Variants in TLCD4 observed in about 807,000 individuals in gnomAD.
TLCD4 encodes the protein TLC domain-containing protein 4.
A neutral mutation model predicts 24.2 loss-of-function variants in TLCD4; 7 were observed. The ratio of observed to expected loss-of-function variants is 0.29; its 90% CI spans 0.16 to 0.54. The LOEUF (loss-of-function observed/expected upper bound fraction) is 0.54. Ranked by LOEUF, TLCD4 falls within the 20% of genes least tolerant of loss-of-function variation. The pLI is 0.95. For missense variants in TLCD4, 259 were observed against 313.9 expected (o/e 0.82, Z 1.32); for synonymous variants, 103 against 106.4 (o/e 0.97, Z 0.20).
At chr1:95,146,962 A>C (rs1677367015) in intron 2 of TLCD4, among the ~76,000 whole-genome samples, 1 of 152,170 alleles carries the variant, frequency 6.6e-6, no homozygotes. Flanking sequence ...ACAGTAAAAC[A>C]AGTTTGTAAG....
chr1:95,143,935 A>G lies in TLCD4; in HGVS notation c.34A>G (p.Thr12Ala), dbSNP rs754917924. 1 of 1,550,594 alleles carries G rather than the reference A, an allele frequency of 6.4e-7. No homozygotes were observed. Among genetic ancestry groups the G allele is most frequent in the Non-Finnish European group, 8.7e-7 (1 of 1,151,194 alleles). Residue 12 changes from threonine to alanine, a missense_variant, in exon 2 of 7, where the codon ACC becomes GCC. Transcript: ENST00000370203. The stretch of plus-strand genomic sequence containing the variant: ...CAACACAAAACTGCTCATCAGTGTT[A>G]CCTGTATCAGCTTTTTCACCTTTCA... ...EINTKLLISVTCISFFTFQLL... is the reference protein window; with the variant it reads ...EINTKLLISVACISFFTFQLL...
intron 1 of TLCD4, among the ~76,000 whole-genome samples, chr1:95,137,088 A>C (rs1677063499): frequency 6.6e-6 from 1 of 152,206 alleles, no homozygotes; most frequent in East Asian, 1.9e-4. Context: ...TATAGTATGC[A>C]GAGAAGAGGT....
Position 95,130,759 on chromosome 1 carries a change from G to A in TLCD4, c.-11-13132G>A, listed in dbSNP as rs547311144. Among the ~76,000 whole-genome samples the A allele has an allele frequency of 1.5e-4, 23 of 152,300 alleles. No homozygotes were observed. The South Asian group carries it at 4.6e-3, about 30-fold the overall frequency. On this transcript the variant is annotated intron_variant, in intron 1 of 6. Coordinates refer to ENST00000370203, the MANE Select transcript of TLCD4 (RefSeq NM_152487.3). ...AAGTCAATAAATCAGTACTTCTGCA[G>A]TTGATAAGAATGTTAAAGTACAATT... is the stretch of plus-strand genomic sequence containing the variant.
At chr1:95,150,364 A>G (rs1677461720) in intron 4 of TLCD4, 98 bp downstream of exon 4, 2 of 1,464,918 alleles carry the variant, frequency 1.4e-6, no homozygotes, top group South Asian at 2.8e-5. Context: ...TTTGAGAGAT[A>G]GCATTTAGGA....
intron 5 of TLCD4, among the ~76,000 whole-genome samples, chr1:95,168,419 C>A (rs1229175816): frequency 1.3e-5 from 2 of 152,070 alleles, no homozygotes; most frequent in African/African-American, 2.4e-5. Flanking sequence ...CTAAATGTAT[C>A]AGTGTTTGGA....
At chr1:95,176,013 C>T (rs1012711464) in intron 6 of TLCD4, among the ~76,000 whole-genome samples, 15 of 151,374 alleles carry the variant, frequency 9.9e-5, no homozygotes, top group African/African-American at 2.4e-4. Context: ...TGGGCTCAAG[C>T]GATCCTCCCA....
At chr1:95,111,421 A>G in the TLCD4 span, among the ~76,000 whole-genome samples, 1 of 152,212 alleles carries the variant, frequency 6.6e-6, no homozygotes, top group African/African-American at 2.4e-5. Flanking sequence ...TTTCAAAATG[A>G]AAAAATAAGC....
At position 95,166,972 on chromosome 1, in the gene TLCD4, C is replaced by T. The variant is rs140502251; in HGVS notation, c.400-6844C>T. 3.8e-4 allele frequency among the ~76,000 whole-genome samples: 58 copies of T among 152,008 alleles called. No individual in the cohort carries two copies. The East Asian group carries it at 4.1e-3, about 11-fold the overall frequency. On this transcript the variant is annotated intron_variant, in intron 5 of 6. Coordinates refer to ENST00000370203, the MANE Select transcript of TLCD4 (RefSeq NM_152487.3). ...CTGGCCCAGAATTCCTGATCTCAAG[C>T]GATCCTCCTGCCTCAACCTCCTAAA...
chr1:95,174,746 A>T (rs1296151700), intron 6 of TLCD4, among the ~76,000 whole-genome samples: 1 of 152,096 alleles, frequency 6.6e-6, no homozygotes, highest in African/African-American at 2.4e-5. Flanking sequence ...AACTAAACTA[A>T]CAATTTGTAA....
Position 95,197,052 on chromosome 1 carries a change from T to A in TLCD4, c.*5184T>A, listed in dbSNP as rs756699718. ...ATAGAACTATAGTGATATATATAGA[T>A]ACATAGATATATACTTTTTTCTGAG... On this transcript the variant is annotated 3_prime_UTR_variant, in exon 7 of 7. Coordinates refer to ENST00000370203, the MANE Select transcript of TLCD4 (RefSeq NM_152487.3). 1 of 152,156 alleles carries A rather than the reference T, an allele frequency of 6.6e-6. No homozygotes were observed. The highest frequency in any genetic ancestry group is 1.5e-5 in the Non-Finnish European group (1 of 68,002). 9.4% of individuals were successfully genotyped at this position (152,156 alleles called of 1,614,324 possible).
upstream of TLCD4, among the ~76,000 whole-genome samples, chr1:95,113,209 CT>C (rs139336479): frequency 0.1 from 15,933 of 151,930 alleles, 1,338 homozygotes; most frequent in East Asian, 0.4. Flanking sequence ...AGCCCAGCTA[CT>C]TTTCGTATTT....
rs964801230 is a variant in TLCD4, at chr1:95,126,117, C to T, written c.-12+8500C>T. The stretch of plus-strand genomic sequence containing the variant: ...GACCAGCCTGGACAACATAGCGAGA[C>T]GCCATCACTATTAAAAAAAAAAAAA... On this transcript the variant is annotated intron_variant, in intron 1 of 6. Coordinates refer to ENST00000370203, the MANE Select transcript of TLCD4 (RefSeq NM_152487.3). Among the ~76,000 whole-genome samples the T allele has an allele frequency of 1.9e-4, 28 of 146,306 alleles. 1 individual carries two copies. The highest frequency in any genetic ancestry group is 7.0e-5 in the Admixed American group (1 of 14,276).
rs1346860222 is a variant in TLCD4 at position 95,197,363 on chromosome 1, C to T, written c.*5495C>T. The T allele has an allele frequency of 6.6e-6, 1 of 151,918 alleles. No homozygotes were observed. Among genetic ancestry groups the T allele is most frequent in the Non-Finnish European group, 1.5e-5 (1 of 67,990 alleles). The allele number at this position is 151,918 out of a possible 1,614,324, so 9.4% of individuals were successfully genotyped here. On this transcript the variant is annotated 3_prime_UTR_variant, in exon 7 of 7. Coordinates refer to ENST00000370203, the MANE Select transcript of TLCD4 (RefSeq NM_152487.3). Reference sequence around the variant, plus strand: ...AAATGTTTGTATACTTTATGTGTGCCATTTTAAAGTATATGCAAGTTCTAA... The same window carrying T: ...AAATGTTTGTATACTTTATGTGTGCTATTTTAAAGTATATGCAAGTTCTAA...
intron 6 of TLCD4, among the ~76,000 whole-genome samples, chr1:95,180,994 T>C (rs1557696956): frequency 6.6e-6 from 1 of 152,140 alleles, no homozygotes; most frequent in East Asian, 1.9e-4. Context: ...CTACTCGGGA[T>C]GCTGAGGCAG....
upstream of TLCD4, among the ~76,000 whole-genome samples, chr1:95,116,889 G>A (rs935585553): frequency 1.3e-5 from 2 of 152,204 alleles, no homozygotes; most frequent in African/African-American, 4.8e-5. Context: ...GTATGCACCT[G>A]CAGCCCCAAA....
At chr1:95,116,286 A>G (rs1198912325), upstream of TLCD4, among the ~76,000 whole-genome samples, 1 of 152,294 alleles carries the variant, frequency 6.6e-6, no homozygotes, top group East Asian at 1.9e-4. Flanking sequence ...CACAACTCTA[A>G]TAAACTGACA....
At chr1:95,152,114 T>G (rs575937964) in intron 5 of TLCD4, among the ~76,000 whole-genome samples, 4 of 152,220 alleles carry the variant, frequency 2.6e-5, no homozygotes, top group African/African-American at 9.6e-5. Context: ...GTCTATGTTC[T>G]GTTGTTATAG....
rs147648751 is a variant in TLCD4 at position 95,129,598 on chromosome 1, C to T, written c.-12+11981C>T. Among the ~76,000 whole-genome samples, 31 of 152,136 alleles carry T rather than the reference C, an allele frequency of 2.0e-4. No individual in the cohort carries two copies. The East Asian group carries it at 5.8e-3, about 28-fold the overall frequency. On this transcript the variant is annotated intron_variant, in intron 1 of 6. Transcript: ENST00000370203. ...CTCTACTAAAAATACAAAAATTAGC[C>T]GGGTATGGTGGTGGGCACCTGTAAT...
In TLCD4 at chr1:95,173,838, T is replaced by C. The variant is rs572407208; in HGVS notation, c.422T>C (p.Ile141Thr). The change falls in exon 6 of 7, where the codon ATT becomes ACT. Residue 141 changes from isoleucine to threonine, a missense_variant. By Grantham distance (89) the Ile-to-Thr change is moderately conservative. Coordinates refer to ENST00000370203, the MANE Select transcript of TLCD4 (RefSeq NM_152487.3). The part of the protein sequence containing the change: ...LVLKNGVLAY[I>T]GNFRLLAELS... ...CAGAAAAATGGAGTGCTGGCATACA[T>C]TGGGAATTTTCGCCTGCTTGCAGAG... 1.6e-5 allele frequency: 26 copies of C among 1,614,184 alleles called. No individual in the cohort carries two copies. Among genetic ancestry groups the C allele is most frequent in the Non-Finnish European group, 2.0e-5 (24 of 1,180,024 alleles).
Sources: allele counts gnomAD v4.1 joint callset (sites outside exome capture counted in the v4.1 genomes callset), GRCh38; gene constraint gnomAD v4.1.1; transcripts MANE v1.5; gene names NCBI Gene and HGNC (gene_info 2026-07-23, HGNC 2026-07-21).